KDM6A: variants seen among roughly 807,000 people sequenced by gnomAD.
The protein encoded by KDM6A is lysine-specific demethylase 6A.
Under a neutral mutation model 117.6 loss-of-function variants are expected in KDM6A, and 11 were observed. The ratio of observed to expected loss-of-function variants is 0.09; its 90% CI spans 0.06 to 0.15. KDM6A has a LOEUF of 0.15. KDM6A is among the 10% of genes least tolerant of loss of function. KDM6A has a pLI of 1.00. For synonymous variants in KDM6A, 384 were observed against 396.1 expected, an observed-to-expected ratio of 0.97 and a Z score of 0.36; for missense variants, 799 against 1,077.3, an observed-to-expected ratio of 0.74 and a Z score of 3.62.
At chrX:45,016,998 C>A (rs2041997657) in intron 5 of KDM6A, among the ~76,000 whole-genome samples, 1 of 109,405 alleles carries the variant, frequency 9.1e-6, no homozygotes, top group Non-Finnish European at 1.9e-5. Flanking sequence ...AGCTTTATAT[C>A]ATTTTCTTTT....
chrX:44,949,245 A>G (rs2037837229), intron 2 of KDM6A, among the ~76,000 whole-genome samples: 1 of 110,421 alleles, frequency 9.1e-6, no homozygotes, highest in African/African-American at 3.3e-5. Flanking sequence ...AAATACAAAA[A>G]TTAGCTGGGC....
chrX:44,947,005 G>A lies in KDM6A; in HGVS notation c.226-14279G>A, dbSNP rs756790511. On this transcript the variant is annotated intron_variant, in intron 2 of 29. Transcript: ENST00000611820. Reference sequence around the variant, plus strand: ...TAAGTCTTTCTATGTTATATTTTACGTGTGTCTAAATTGCATAAATCTGGA... The same window carrying A: ...TAAGTCTTTCTATGTTATATTTTACATGTGTCTAAATTGCATAAATCTGGA... Among the ~76,000 whole-genome samples the A allele has an allele frequency of 1.9e-4, 21 of 111,673 alleles. No individual in the cohort carries two copies. In the South Asian group the frequency reaches 2.6e-3, roughly 14 times the overall value.
At chrX:44,944,404 A>G (rs1000672021) in intron 2 of KDM6A, among the ~76,000 whole-genome samples, 6 of 111,402 alleles carry the variant, frequency 5.4e-5, no homozygotes, top group African/African-American at 2.0e-4. Flanking sequence ...TGCTTATTCT[A>G]GTTTATTTGC....
At chrX:45,067,564 C>T (rs1306797875) in intron 17 of KDM6A, among the ~76,000 whole-genome samples, 16 of 110,513 alleles carry the variant, frequency 1.4e-4, no homozygotes, top group Non-Finnish European at 2.5e-4. Context: ...TTTCAACCTT[C>T]CTTTATTATG....
At chrX:45,049,038 A>G (rs925179300) in intron 8 of KDM6A, among the ~76,000 whole-genome samples, 1 of 111,402 alleles carries the variant, frequency 9.0e-6, no homozygotes, top group African/African-American at 3.3e-5. Flanking sequence ...TACCTGTGGA[A>G]AGGTTTCCTT....
intron 4 of KDM6A, among the ~76,000 whole-genome samples, chrX:45,007,488 T>A (rs888504957): frequency 2.4e-4 from 26 of 107,047 alleles, no homozygotes; most frequent in Admixed American, 1.7e-3. Flanking sequence ...ATGGCTGGTG[T>A]CATTGCTTAC....
At chrX:44,926,845 T>G (rs2036330675) in intron 2 of KDM6A, among the ~76,000 whole-genome samples, 1 of 111,462 alleles carries the variant, frequency 9.0e-6, no homozygotes, top group Non-Finnish European at 1.9e-5. Context: ...ACCTAATAAG[T>G]TTTGAGGCAG....
chrX:44,960,243 A>G (rs1269452839), intron 2 of KDM6A, among the ~76,000 whole-genome samples: 1 of 111,596 alleles, frequency 9.0e-6, no homozygotes, highest in Non-Finnish European at 1.9e-5. Flanking sequence ...TCCTGGGAGT[A>G]TATCAGAGAT....
intron 4 of KDM6A, among the ~76,000 whole-genome samples, chrX:44,982,497 G>C (rs1478953213): frequency 9.0e-6 from 1 of 111,476 alleles, no homozygotes; most frequent in Admixed American, 9.6e-5. Flanking sequence ...CATAGTATTA[G>C]GTTGGCGCAA....
intron 10 of KDM6A, among the ~76,000 whole-genome samples, chrX:45,057,741 C>A (rs1349982147): frequency 5.4e-5 from 6 of 110,673 alleles, no homozygotes; most frequent in Non-Finnish European, 1.1e-4. Flanking sequence ...TTTAAAACGC[C>A]TTTTCTCATC....
Position 44,920,452 on chromosome X carries a change from T to G in KDM6A, c.226-40832T>G, listed in dbSNP as rs1177533714. 2.7e-5 allele frequency among the ~76,000 whole-genome samples: 3 copies of G among 110,924 alleles called. No individual in the cohort carries two copies. The Admixed American group carries it at 2.9e-4, about 11-fold the overall frequency. On this transcript the variant is annotated intron_variant, in intron 2 of 29. Transcript: ENST00000611820. ...TTTTTACTTTTATTTTATTTTTTTT[T>G]TTTTGAGACGGAGTCTCGCTCTGTC...
chrX:44,934,808 T>C (rs2036872653), intron 2 of KDM6A, among the ~76,000 whole-genome samples: 1 of 111,272 alleles, frequency 9.0e-6, no homozygotes, highest in Non-Finnish European at 1.9e-5. Flanking sequence ...CAAGTGATTA[T>C]GTAAATGTTA....
At chrX:45,050,569 T>C (rs2043794479) in intron 8 of KDM6A, among the ~76,000 whole-genome samples, 1 of 112,051 alleles carries the variant, frequency 8.9e-6, no homozygotes, top group Non-Finnish European at 1.9e-5. Context: ...TAGTTTTGTA[T>C]TTCTACCTAC....
chrX:44,873,762 C>T (rs938870237), intron 1 of KDM6A, 50 bp downstream of exon 1: 2 of 1,157,393 alleles, frequency 1.7e-6, no homozygotes, highest in Admixed American at 5.2e-5. Context: ...GCAGTAGCCG[C>T]TCTCCCGGGA....
At chrX:44,900,280 G>A (rs927851780) in intron 2 of KDM6A, among the ~76,000 whole-genome samples, 1 of 111,901 alleles carries the variant, frequency 8.9e-6, no homozygotes, top group African/African-American at 3.2e-5. Flanking sequence ...TTAGGAGTAG[G>A]AAGGAGAGGC....
intron 2 of KDM6A, among the ~76,000 whole-genome samples, chrX:44,897,560 G>C (rs1270127686): frequency 9.1e-6 from 1 of 110,359 alleles, no homozygotes; most frequent in East Asian, 2.8e-4. Flanking sequence ...TTTGAGAACT[G>C]TGCATCTTGT....
chrX:45,029,382 A>G (rs753863240), intron 6 of KDM6A, among the ~76,000 whole-genome samples: 30 of 110,975 alleles, frequency 2.7e-4, no homozygotes, highest in Admixed American at 4.8e-4. Context: ...TGAAGTGAGC[A>G]GAGATCAAGC....
chrX:45,032,172 A>G (rs1248064056), intron 6 of KDM6A, among the ~76,000 whole-genome samples: 1 of 112,182 alleles, frequency 8.9e-6, no homozygotes, highest in East Asian at 2.8e-4. Flanking sequence ...AGCAGTAGCC[A>G]GTTTCAGCAC....
intron 14 of KDM6A, among the ~76,000 whole-genome samples, chrX:45,061,020 C>T (rs1217805833): frequency 9.0e-6 from 1 of 111,182 alleles, no homozygotes; most frequent in Non-Finnish European, 1.9e-5. Flanking sequence ...TCACTTTTTA[C>T]TGACATTGAA....
Sources: allele counts gnomAD v4.1 joint callset (sites outside exome capture counted in the v4.1 genomes callset), GRCh38; gene constraint gnomAD v4.1.1; transcripts MANE v1.5; gene names NCBI Gene and HGNC (gene_info 2026-07-23, HGNC 2026-07-21).